Variants in CPA4 observed in about 807,000 individuals in gnomAD.
The protein encoded by CPA4 is carboxypeptidase A4.
CPA4 carries 49 observed loss-of-function variants against 54.7 expected under a neutral mutation model. The ratio of observed to expected loss-of-function variants is 0.90; its 90% confidence interval spans 0.71 to 1.14. The LOEUF (loss-of-function observed/expected upper bound fraction) is 1.14. Ranked by LOEUF, CPA4 falls within the 50% of genes most tolerant of loss-of-function variation. CPA4 has a pLI of 0.00. For synonymous variants in CPA4, 215 were observed against 206.8 expected (o/e 1.04, Z -0.34); for missense variants, 487 against 525.1 (o/e 0.93, Z 0.71).
intron 10 of CPA4, among the ~76,000 whole-genome samples, chr7:130,315,871 T>C (rs1270361087): frequency 6.6e-6 from 1 of 152,194 alleles, no homozygotes; most frequent in Non-Finnish European, 1.5e-5. Flanking sequence ...TGTTCCTTTA[T>C]ATCTGGGGTT....
intron 10 of CPA4, among the ~76,000 whole-genome samples, chr7:130,315,187 G>A (rs184088320): frequency 8.6e-4 from 131 of 152,128 alleles, no homozygotes; most frequent in African/African-American, 3.0e-3. Context: ...GGTTGTGGCA[G>A]GCATTTGTTA....
Position 130,308,354 on chromosome 7 carries a change from C to T in CPA4, c.750C>T (p.Cys250=). The change falls in exon 8 of 11, where the codon TGC becomes TGT. Residue 250 remains cysteine, a synonymous_variant. Coordinates refer to ENST00000222482, the MANE Select transcript of CPA4 (RefSeq NM_016352.4). ...GGTCCCGAAATCCTGGAAGCTCCTG[C>T]ATTGGTGCTGACCCAAATAGAAACT... ...KTRSRNPGSS[C]IGADPNRNWN... 2 of 1,614,196 alleles carry T rather than the reference C, an allele frequency of 1.2e-6. No individual in the cohort carries two copies. The highest frequency in any genetic ancestry group is 1.7e-6 in the Non-Finnish European group (2 of 1,180,032).
At chr7:130,293,739 C>A (rs564133936) in intron 1 of CPA4, among the ~76,000 whole-genome samples, 1 of 152,236 alleles carries the variant, frequency 6.6e-6, no homozygotes, top group African/African-American at 2.4e-5. Flanking sequence ...TCTTGATCTG[C>A]AGTTTAATGC....
intron 10 of CPA4, among the ~76,000 whole-genome samples, chr7:130,314,230 A>G (rs920178688): frequency 1.3e-5 from 2 of 152,346 alleles, no homozygotes; most frequent in Admixed American, 6.5e-5. Context: ...TAAGGACCCT[A>G]CAGGGAAATT....
At chr7:130,313,092 C>T (rs887391331) in intron 10 of CPA4, among the ~76,000 whole-genome samples, 2 of 152,146 alleles carry the variant, frequency 1.3e-5, no homozygotes, top group African/African-American at 2.4e-5. Context: ...GGATGAAGGG[C>T]AGCATGTTCT....
At chr7:130,300,741 T>A (rs1042851629) in intron 3 of CPA4, 75 bp from the exon 4 acceptor site, 3 of 1,005,992 alleles carry the variant, frequency 3.0e-6, no homozygotes, top group Non-Finnish European at 4.8e-6. Context: ...CTGACCCATA[T>A]GCAAAGATAT....
chr7:130,320,618 G>A (rs148692961), intron 10 of CPA4, among the ~76,000 whole-genome samples: 2 of 152,122 alleles, frequency 1.3e-5, no homozygotes, highest in African/African-American at 4.8e-5. Context: ...CATGTAACAG[G>A]CTTGTTAATA....
intron 10 of CPA4, among the ~76,000 whole-genome samples, chr7:130,320,550 C>T (rs1312283577): frequency 2.0e-5 from 3 of 152,150 alleles, no homozygotes; most frequent in Non-Finnish European, 4.4e-5. Context: ...ATCACAAATG[C>T]TATTCAGGAA....
chr7:130,293,877 G>A (rs568079985), intron 1 of CPA4, among the ~76,000 whole-genome samples: 7 of 152,040 alleles, frequency 4.6e-5, no homozygotes, highest in African/African-American at 7.2e-5. Context: ...CCTGAACACC[G>A]TGTGTGTGTG....
intron 1 of CPA4, among the ~76,000 whole-genome samples, chr7:130,295,374 A>G (rs76494364): frequency 0.017 from 2,527 of 152,280 alleles, 32 homozygotes; most frequent in Non-Finnish European, 0.026. Flanking sequence ...CGCCCTGTCT[A>G]TTGGAGAGGA....
chr7:130,307,669 T>G (rs1463837273), intron 7 of CPA4, among the ~76,000 whole-genome samples: 1 of 151,844 alleles, frequency 6.6e-6, no homozygotes, highest in Non-Finnish European at 1.5e-5. Context: ...AGAGTCAATT[T>G]GTTCAAGTGA....
chr7:130,304,711 TG>T (rs1310985158), intron 5 of CPA4, 132 bp downstream of exon 5: 1 of 671,800 alleles, frequency 1.5e-6, no homozygotes, highest in Non-Finnish European at 2.7e-6. Flanking sequence ...ACATTGTACC[TG>T]GGCTGGAACT....
Position 130,310,671 on chromosome 7 carries a change from G to A in CPA4, c.794-116G>A, listed in dbSNP as rs150979006. ...CACCATGGACTAGGTGCTCTGGGCC[G>A]TCTCGCCATGGCCTGCCCATTCCCA... is the stretch of plus-strand genomic sequence containing the variant. On this transcript the variant is annotated intron_variant, in intron 8 of 10. Transcript: ENST00000222482. This position sits in a 1 kb window ranked among gnomAD's most constrained non-coding sequence, Gnocchi z 4.3. The A allele has an allele frequency of 6.4e-3, 5,702 of 886,660 alleles. 26 individuals are homozygous for A. The highest frequency in any genetic ancestry group is 8.4e-3 in the Non-Finnish European group (4,715 of 560,098). 54.9% of individuals were successfully genotyped at this position (886,660 alleles called of 1,614,324 possible). A position where few individuals can be genotyped will look rare whatever the true frequency, so the allele number is the denominator to read the frequency against.
chr7:130,298,008 G>A (rs905059212), intron 1 of CPA4, among the ~76,000 whole-genome samples: 5 of 152,184 alleles, frequency 3.3e-5, no homozygotes, highest in African/African-American at 1.2e-4. Context: ...GGCCGGCCCC[G>A]TCTGTGTCCT....
chr7:130,307,699 C>A (rs73146802), intron 7 of CPA4, among the ~76,000 whole-genome samples: 8,350 of 151,962 alleles, frequency 0.055, 261 homozygotes, highest in Middle Eastern at 0.099. Flanking sequence ...AAGGTCTGCG[C>A]ATGCACCTGG....
intron 7 of CPA4, among the ~76,000 whole-genome samples, chr7:130,307,222 G>A (rs529215843): frequency 4.0e-5 from 6 of 149,944 alleles, no homozygotes; most frequent in Non-Finnish European, 5.9e-5. Flanking sequence ...ACTTTAGTAC[G>A]CATCTCTAAC....
chr7:130,301,431 C>T lies in CPA4; in HGVS notation c.384+517C>T, dbSNP rs565967541. Among the ~76,000 whole-genome samples the T allele has an allele frequency of 2.6e-5, 4 of 152,134 alleles. No homozygotes were observed. In the South Asian group the frequency reaches 6.2e-4, roughly 24 times the overall value. On this transcript the variant is annotated intron_variant, in intron 4 of 10. Transcript: ENST00000222482. ...TGGCTGACTTTCAAGGTAAGCCAAA[C>T]CTTCAAATGAAAAACTTGAAGCAGA...
At chr7:130,322,270 G>T (rs1460524766) in intron 10 of CPA4, among the ~76,000 whole-genome samples, 1 of 152,138 alleles carries the variant, frequency 6.6e-6, no homozygotes, top group Non-Finnish European at 1.5e-5. Flanking sequence ...GGGAGTAGGG[G>T]TTTCAGATCT....
At chr7:130,321,587 T>C (rs1370185680) in intron 10 of CPA4, among the ~76,000 whole-genome samples, 1 of 152,150 alleles carries the variant, frequency 6.6e-6, no homozygotes, top group African/African-American at 2.4e-5. Context: ...GACTGGGTAA[T>C]TTATAAAGAA....
Sources: gnomAD v4.1 joint callset for allele counts (sites outside exome capture counted in the v4.1 genomes callset) on GRCh38, gnomAD v4.1.1 for gene constraint, Gnocchi (gnomAD v3.1) non-coding constraint, MANE v1.5 for transcripts, NCBI Gene and HGNC (gene_info 2026-07-23, HGNC 2026-07-21) for gene names.